ZNF496: variants seen among roughly 807,000 people sequenced by gnomAD.
The protein encoded by ZNF496 is zinc finger protein 496.
A neutral mutation model predicts 58.9 loss-of-function variants in ZNF496; 11 were observed. The ratio of observed to expected loss-of-function variants is 0.19; its 90% CI spans 0.12 to 0.31. The LOEUF (loss-of-function observed/expected upper bound fraction) is 0.31, where lower values mean the gene tolerates loss of function less well. Among genes scored for constraint, ZNF496 ranks in the 10% least tolerant of loss-of-function variants. The probability of loss-of-function intolerance (pLI) is 1.00; values close to 1 mark genes in which losing one functional copy is unlikely to be tolerated. For synonymous variants in ZNF496, 338 were observed against 318.2 expected, an observed-to-expected ratio of 1.06 and a Z score of -0.66; for missense variants, 660 against 783.0, an observed-to-expected ratio of 0.84 and a Z score of 1.88.
intron 5 of ZNF496, among the ~76,000 whole-genome samples, chr1:247,327,772 AGAG>A (rs1660183972): frequency 1.3e-5 from 1 of 78,808 alleles, no homozygotes; most frequent in Non-Finnish European, 2.8e-5. Context: ...TTGTACCTAT[AGAG>A]CACTATGGCA....
intron 9 of ZNF496, among the ~76,000 whole-genome samples, chr1:247,301,803 A>G (rs1345002039): frequency 6.6e-6 from 1 of 152,120 alleles, no homozygotes; most frequent in Non-Finnish European, 1.5e-5. Flanking sequence ...CAACCCGATG[A>G]CCTATTGGTT....
At chr1:247,320,273 T>C (rs575774071) in intron 6 of ZNF496, among the ~76,000 whole-genome samples, 37 of 152,336 alleles carry the variant, frequency 2.4e-4, no homozygotes, top group African/African-American at 7.9e-4. Flanking sequence ...TGGACTTCCA[T>C]GTGATGGAAT....
chr1:247,325,068 C>A (rs1660080154), intron 5 of ZNF496, among the ~76,000 whole-genome samples: 1 of 152,216 alleles, frequency 6.6e-6, no homozygotes, highest in Admixed American at 6.5e-5. Flanking sequence ...CTGGTTAACC[C>A]CAGGTCACAT....
intron 9 of ZNF496, among the ~76,000 whole-genome samples, chr1:247,302,593 A>G (rs964535620): frequency 6.6e-6 from 1 of 152,050 alleles, no homozygotes; most frequent in Non-Finnish European, 1.5e-5. Flanking sequence ...CACCTGCCTC[A>G]GCCTCCCAAA....
In ZNF496 at chr1:247,308,923, G is replaced by GA; in HGVS notation, c.893-336_893-335insT. 19 of 344,594 alleles carry GA rather than the reference G, an allele frequency of 5.5e-5. No individual in the cohort carries two copies. The highest frequency in any genetic ancestry group is 1.4e-4 in the South Asian group (6 of 42,030). The allele number at this position is 344,594 out of a possible 1,614,324, so 21.3% of individuals were successfully genotyped here. A position where few individuals can be genotyped will look rare whatever the true frequency, so the allele number is the denominator to read the frequency against. ...TGGGTTTTCTATAGTCATCACCACA[G>GA]GCTCCTGCACACTCCGCACATCCTG... On this transcript the variant is annotated intron_variant, in intron 8 of 9. Coordinates refer to ENST00000682384, the MANE Select transcript of ZNF496 (RefSeq NM_032752.3). This position sits in a 1 kb window ranked among gnomAD's most constrained non-coding sequence, Gnocchi z 4.5.
At chr1:247,316,158 G>A (rs896889476) in intron 6 of ZNF496, among the ~76,000 whole-genome samples, 83 of 141,004 alleles carry the variant, frequency 5.9e-4, no homozygotes, top group African/African-American at 1.1e-3. Flanking sequence ...GTGTGTGTGT[G>A]TGTGTGTGTG....
rs770012039 is a variant in ZNF496, at chr1:247,309,775, C to A, written c.816G>T (p.Gln272His). 12 of 1,614,076 alleles carry A rather than the reference C, an allele frequency of 7.4e-6. No individual in the cohort carries two copies. The East Asian group carries it at 2.5e-4, about 33-fold the overall frequency. Residue 272 changes from glutamine (Q) to histidine (H), a missense_variant, in exon 8 of 10, where the codon CAG becomes CAT. Physicochemically the swap from Gln to His is conservative, Grantham distance 24 (BLOSUM62 0). Transcript: ENST00000682384. This position sits in a 1 kb window ranked among gnomAD's most constrained non-coding sequence, Gnocchi z 4.3. Reference sequence around the variant, plus strand: ...GAACGCGTGGCTCATTCTCCTCTCCCTGGGAGAGATCTGGCTGGGCAGCTA... The same window carrying A: ...GAACGCGTGGCTCATTCTCCTCTCCATGGGAGAGATCTGGCTGGGCAGCTA... The part of the protein sequence containing the change: ...NDLAAQPDLS[Q>H]GEENEPRVPE...
At chr1:247,323,434 C>T (rs6426239) in intron 5 of ZNF496, among the ~76,000 whole-genome samples, 37,124 of 152,038 alleles carry the variant, frequency 0.24, 4,748 homozygotes, top group East Asian at 0.41. Context: ...TACAAAATGA[C>T]GCACATGAAA....
intron 5 of ZNF496, among the ~76,000 whole-genome samples, chr1:247,327,773 G>C (rs201235971): frequency 1.2e-4 from 9 of 74,140 alleles, no homozygotes; most frequent in South Asian, 5.3e-4. Context: ...TGTACCTATA[G>C]AGCACTATGG....
intron 5 of ZNF496, among the ~76,000 whole-genome samples, chr1:247,325,660 G>C (rs893160884): frequency 3.9e-5 from 6 of 152,086 alleles, no homozygotes; most frequent in African/African-American, 1.4e-4. Context: ...GTCTCCCAGA[G>C]GGGGTGTTTT....
intron 6 of ZNF496, among the ~76,000 whole-genome samples, chr1:247,315,012 A>G (rs1423762458): frequency 6.7e-6 from 1 of 150,204 alleles, no homozygotes; most frequent in Non-Finnish European, 1.5e-5. Context: ...TGGCCTCCCA[A>G]AGTGGTAGGA....
rs905552053 is a variant in ZNF496 at position 247,299,629 on chromosome 1, A to G, written c.*890T>C. ...AACCCCTCACTGGGGGCAGAGCTCC[A>G]CATTCCTAGACAGGACAGATTGGAA... On this transcript the variant is annotated 3_prime_UTR_variant, in exon 10 of 10. Transcript: ENST00000682384. 13 of 152,254 alleles carry G rather than the reference A, an allele frequency of 8.5e-5. No individual in the cohort carries two copies. Among genetic ancestry groups the G allele is most frequent in the Non-Finnish European group, 1.5e-4 (10 of 68,060 alleles). The allele number at this position is 152,254 out of a possible 1,614,324, so 9.4% of individuals were successfully genotyped here. A position where few individuals can be genotyped will look rare whatever the true frequency, so the allele number is the denominator to read the frequency against.
At chr1:247,314,946 T>C (rs1222190839) in intron 6 of ZNF496, among the ~76,000 whole-genome samples, 1 of 151,898 alleles carries the variant, frequency 6.6e-6, no homozygotes, top group Non-Finnish European at 1.5e-5. Context: ...GAGATGGAGT[T>C]TCACCATGTT....
In ZNF496 at chr1:247,301,343, C is replaced by A; in HGVS notation, c.1007-67G>T. ...CACATCCCAGCCCCTATGACCGCGGCGGAGGAACACTCAGCTTGGAGTTTA... is the reference window on the plus strand; with the variant it reads ...CACATCCCAGCCCCTATGACCGCGGAGGAGGAACACTCAGCTTGGAGTTTA... On this transcript the variant is annotated intron_variant, in intron 9 of 9. Transcript: ENST00000682384. 8 of 1,468,894 alleles carry A rather than the reference C, an allele frequency of 5.4e-6. No homozygotes were observed. In the South Asian group the frequency reaches 7.6e-5, roughly 14 times the overall value. 91.0% of individuals were successfully genotyped at this position (1,468,894 alleles called of 1,614,324 possible).
intron 6 of ZNF496, among the ~76,000 whole-genome samples, chr1:247,321,148 C>T (rs1294251758): frequency 6.6e-6 from 1 of 151,886 alleles, no homozygotes; most frequent in African/African-American, 2.4e-5. Flanking sequence ...TACACTTCAG[C>T]CTGGGCGACA....
Position 247,309,995 on chromosome 1 carries a change from T to C in ZNF496, c.785-189A>G. On this transcript the variant is annotated intron_variant, in intron 7 of 9. Transcript: ENST00000682384. This position sits in a 1 kb window ranked among gnomAD's most constrained non-coding sequence, Gnocchi z 4.3. ...AGCACACGCAGGGAGAGCTATGGGC[T>C]TGGGGGTCTCTCTGAGGCTTTCGGG... is the stretch of plus-strand genomic sequence containing the variant. 1.4e-6 allele frequency: 2 copies of C among 1,384,080 alleles called. No individual in the cohort carries two copies. Among genetic ancestry groups the C allele is most frequent in the Non-Finnish European group, 1.9e-6 (2 of 1,053,388 alleles). The allele number at this position is 1,384,080 out of a possible 1,614,324, so 85.7% of individuals were successfully genotyped here.
chr1:247,320,593 T>C (rs570757343), intron 6 of ZNF496, among the ~76,000 whole-genome samples: 15 of 152,356 alleles, frequency 9.8e-5, no homozygotes, highest in African/African-American at 1.9e-4. Context: ...TGTGACATTG[T>C]ACTATATTTA....
chr1:247,308,694 GGGCTCCGTCCTGGGGACT>G lies in ZNF496; in HGVS notation c.893-124_893-107del. 9.1e-7 allele frequency: 1 copy of G among 1,096,288 alleles called. No individual in the cohort carries two copies. The highest frequency in any genetic ancestry group is 1.3e-6 in the Non-Finnish European group (1 of 742,200). The allele number at this position is 1,096,288 out of a possible 1,614,324, so 67.9% of individuals were successfully genotyped here. A position where few individuals can be genotyped will look rare whatever the true frequency, so the allele number is the denominator to read the frequency against. Reference sequence around the variant, plus strand: ...CAGGCTACGATCTGGGGGCGGCCCTGGGCTCCGTCCTGGGGACTGGCAGGGGGTGGCCACTCAATAAGT... The same window carrying G: ...CAGGCTACGATCTGGGGGCGGCCCTGGGCAGGGGGTGGCCACTCAATAAGT... On this transcript the variant is annotated intron_variant, in intron 8 of 9. Transcript: ENST00000682384. The surrounding 1 kb of genome is among the most constrained non-coding windows in gnomAD (Gnocchi z 4.5).
rs745992698 is a variant in ZNF496 at position 247,310,312 on chromosome 1, G to C, written c.784+12C>G. On this transcript the variant is annotated intron_variant, in intron 7 of 9. Coordinates refer to ENST00000682384, the MANE Select transcript of ZNF496 (RefSeq NM_032752.3). ...CCCTGGTCTTGAGGTGTGGGGGGAAGTTAAGTCTTACTTGGAGGCATTGAG... is the reference window on the plus strand; with the variant it reads ...CCCTGGTCTTGAGGTGTGGGGGGAACTTAAGTCTTACTTGGAGGCATTGAG... 1.2e-6 allele frequency: 2 copies of C among 1,614,070 alleles called. No individual in the cohort carries two copies.
Sources: allele counts gnomAD v4.1 joint callset (sites outside exome capture counted in the v4.1 genomes callset), GRCh38; gene constraint gnomAD v4.1.1; non-coding constraint Gnocchi (gnomAD v3.1); transcripts MANE v1.5; gene names NCBI Gene and HGNC (gene_info 2026-07-23, HGNC 2026-07-21).